Variants in PPAT observed in about 807,000 individuals in gnomAD.
PPAT encodes amidophosphoribosyltransferase.
PPAT carries 20 observed loss-of-function variants against 60.2 expected under a neutral mutation model. The ratio of observed to expected loss-of-function variants is 0.33; its 90% confidence interval spans 0.23 to 0.48. The LOEUF (loss-of-function observed/expected upper bound fraction) is 0.48, where lower values mean the gene tolerates loss of function less well. PPAT is among the 20% of genes least tolerant of loss of function. The pLI, the probability that PPAT is intolerant of heterozygous loss-of-function variation, is 0.99. For synonymous variants in PPAT, 194 were observed against 215.1 expected (o/e 0.90, Z 0.86); for missense variants, 349 against 629.6 (o/e 0.55, Z 4.77).
At chr4:56,397,609 T>C (rs1716006865) in intron 9 of PPAT, among the ~76,000 whole-genome samples, 1 of 152,222 alleles carries the variant, frequency 6.6e-6, no homozygotes, top group Non-Finnish European at 1.5e-5. Context: ...GGCATCTCAC[T>C]TCTGTAGTAT....
intron 1 of PPAT, among the ~76,000 whole-genome samples, chr4:56,415,867 C>T (rs6829250): frequency 0.19 from 29,178 of 151,910 alleles, 3,140 homozygotes; most frequent in Admixed American, 0.33. Flanking sequence ...GTTAGGAGCT[C>T]GAGACCAGCC....
At chr4:56,414,139 A>G (rs748492093) in intron 1 of PPAT, 14 of 152,210 alleles carry the variant, frequency 9.2e-5, no homozygotes, top group Non-Finnish European at 2.1e-4. Context: ...TAAGGTAATC[A>G]AAGTTTTCTC....
At chr4:56,426,219 G>A (rs1257645747) in intron 1 of PPAT, among the ~76,000 whole-genome samples, 1 of 152,024 alleles carries the variant, frequency 6.6e-6, no homozygotes, top group Non-Finnish European at 1.5e-5. Context: ...TGGCCAACAT[G>A]GTGAAACCCC....
Position 56,403,405 on chromosome 4 carries a change from T to C in PPAT, c.403-4A>G. The C allele has an allele frequency of 3.8e-6, 6 of 1,598,762 alleles. No homozygotes were observed. Among genetic ancestry groups the C allele is most frequent in the African/African-American group, 2.7e-5 (2 of 73,678 alleles). ...GACCAATACCATGACGCAGAAGCTA[T>C]ATAGAAAAAAAGAGAAGTTTAATCA... On this transcript the variant is annotated splice_polypyrimidine_tract_variant and splice_region_variant and intron_variant, in intron 3 of 10. Transcript: ENST00000264220.
intron 1 of PPAT, among the ~76,000 whole-genome samples, chr4:56,433,397 T>TAAAAAAA (rs34598008): frequency 1.7e-5 from 2 of 118,250 alleles, no homozygotes; most frequent in African/African-American, 3.2e-5. Flanking sequence ...TGGTATTCAT[T>TAAAAAAA]AAAAAAAAAA....
chr4:56,403,546 A>T, intron 3 of PPAT, 145 bp from the exon 4 acceptor site: 1 of 626,382 alleles, frequency 1.6e-6, no homozygotes, highest in Non-Finnish European at 2.7e-6. Flanking sequence ...GCAGTCCCCA[A>T]CCTTTTTGGC....
chr4:56,413,002 G>A (rs1240030729), intron 1 of PPAT, among the ~76,000 whole-genome samples: 1 of 84,070 alleles, frequency 1.2e-5, no homozygotes, highest in African/African-American at 4.2e-5. Flanking sequence ...ATATTTAACT[G>A]AGTGTGGGTC....
intron 1 of PPAT, chr4:56,420,685 C>T (rs1031808132): frequency 6.6e-6 from 1 of 152,046 alleles, no homozygotes; most frequent in African/African-American, 2.4e-5. Context: ...AATTTTCATA[C>T]TAATTGTGGT....
intron 1 of PPAT, chr4:56,419,874 T>C (rs1296094402): frequency 5.1e-6 from 5 of 984,154 alleles, no homozygotes; most frequent in Non-Finnish European, 6.0e-6. Flanking sequence ...AAAACACGAA[T>C]ACAAGATCGT....
rs560362584 is a variant in PPAT at position 56,405,038 on chromosome 4, T to A, written c.402+1457A>T. On this transcript the variant is annotated intron_variant, in intron 3 of 10. Coordinates refer to ENST00000264220, the MANE Select transcript of PPAT (RefSeq NM_002703.5). ...ACTGAAGAAACTCAACATTAATTAA[T>A]GAATGCCTGAATGGATAAAAGGAAG... Among the ~76,000 whole-genome samples, 8 of 148,946 alleles carry A rather than the reference T, an allele frequency of 5.4e-5. No homozygotes were observed. In the South Asian group the frequency reaches 6.4e-4, roughly 12 times the overall value.
chr4:56,409,254 A>T (rs558628053), intron 1 of PPAT, among the ~76,000 whole-genome samples: 1 of 152,336 alleles, frequency 6.6e-6, no homozygotes, highest in African/African-American at 2.4e-5. Context: ...GGTGGTAGCC[A>T]GGATTCCAAT....
At chr4:56,419,622 A>C in intron 1 of PPAT, 1 of 964,184 alleles carries the variant, frequency 1.0e-6, no homozygotes, top group Non-Finnish European at 1.2e-6. Context: ...AGGTATCTCT[A>C]CGTCAGTATT....
intron 1 of PPAT, among the ~76,000 whole-genome samples, chr4:56,429,276 T>C (rs183082254): frequency 1.3e-5 from 2 of 152,326 alleles, no homozygotes; most frequent in African/African-American, 4.8e-5. Context: ...TGCCCGGAGT[T>C]AGGTAACTGT....
At chr4:56,402,968 T>C in intron 5 of PPAT, 72 bp downstream of exon 5, 1 of 1,404,454 alleles carries the variant, frequency 7.1e-7, no homozygotes, top group Non-Finnish European at 9.5e-7. Context: ...ACCTAAAGAT[T>C]TCAGGGCTTG....
intron 1 of PPAT, chr4:56,420,033 G>C: frequency 1.0e-6 from 1 of 981,196 alleles, no homozygotes; most frequent in Non-Finnish European, 1.2e-6. Flanking sequence ...CGTAAAAATG[G>C]GAGAGGACCA....
At chr4:56,403,486 AGGC>A in intron 3 of PPAT, 85 bp from the exon 4 acceptor site, 26 of 1,038,942 alleles carry the variant, frequency 2.5e-5, no homozygotes, top group Non-Finnish European at 3.0e-5. Context: ...AATGAAAATA[AGGC>A]ATTCTGTGGA....
intron 3 of PPAT, 26 bp downstream of exon 3, chr4:56,406,469 T>C (rs1716243789): frequency 1.9e-6 from 3 of 1,593,466 alleles, no homozygotes; most frequent in Admixed American, 1.7e-5. Context: ...TAAAAAGGCC[T>C]AGGGAAAACA....
At position 56,396,855 on chromosome 4, in the gene PPAT, AT is replaced by A; in HGVS notation, c.1237-117del. On this transcript the variant is annotated intron_variant, in intron 9 of 10. Transcript: ENST00000264220. The surrounding 1 kb of genome is among the most constrained non-coding windows in gnomAD (Gnocchi z 4.6). ...TTCAGTAACAACATATGGGTAATAA[AT>A]TATTCTTTCTACAAAGCTGCTTCTT... is the stretch of plus-strand genomic sequence containing the variant. The A allele has an allele frequency of 9.9e-7, 1 of 1,014,054 alleles. No individual in the cohort carries two copies. The highest frequency in any genetic ancestry group is 1.4e-6 in the Non-Finnish European group (1 of 731,258). 62.8% of individuals were successfully genotyped at this position (1,014,054 alleles called of 1,614,324 possible). A position where few individuals can be genotyped will look rare whatever the true frequency, so the allele number is the denominator to read the frequency against.
chr4:56,410,935 T>C, intron 1 of PPAT: 1 of 929,442 alleles, frequency 1.1e-6, no homozygotes, highest in Non-Finnish European at 1.3e-6. Context: ...AAAAGAAAAG[T>C]ACTCTTGTTT....
Sources: gnomAD v4.1 joint callset for allele counts (sites outside exome capture counted in the v4.1 genomes callset) on GRCh38, gnomAD v4.1.1 for gene constraint, Gnocchi (gnomAD v3.1) non-coding constraint, MANE v1.5 for transcripts, NCBI Gene and HGNC (gene_info 2026-07-23, HGNC 2026-07-21) for gene names.